The following HECW2 variants were observed in gnomAD, a reference collection of about 807,000 sequenced individuals.
HECW2 encodes HECT, C2 and WW domain containing E3 ubiquitin protein ligase 2, also known as E3 ubiquitin-protein ligase HECW2.
HECW2 carries 61 observed loss-of-function variants against 175.2 expected under a neutral mutation model. The ratio of observed to expected loss-of-function variants is 0.35; its 90% CI spans 0.28 to 0.43. The LOEUF (loss-of-function observed/expected upper bound fraction) is 0.43. Ranked by LOEUF, HECW2 falls within the 20% of genes least tolerant of loss-of-function variation. The pLI, the probability that HECW2 is intolerant of heterozygous loss-of-function variation, is 1.00. For missense variants in HECW2, 1,524 were observed against 2,000.5 expected (o/e 0.76, Z 4.54); for synonymous variants, 671 against 731.0 (o/e 0.92, Z 1.32).
chr2:196,242,450 G>A (rs577503128), intron 19 of HECW2: 16 of 470,038 alleles, frequency 3.4e-5, no homozygotes, highest in Non-Finnish European at 5.7e-5. Context: ...TGGTGCCCAT[G>A]TGTTTCTCAA....
At chr2:196,562,416 C>T (rs1198053196) in intron 1 of HECW2, among the ~76,000 whole-genome samples, 1 of 150,760 alleles carries the variant, frequency 6.6e-6, no homozygotes, top group African/African-American at 2.5e-5. Context: ...ATGATATTCT[C>T]CCTGTATGAG....
At chr2:196,296,720 A>G (rs180848765) in intron 13 of HECW2, among the ~76,000 whole-genome samples, 1 of 152,372 alleles carries the variant, frequency 6.6e-6, no homozygotes, top group African/African-American at 2.4e-5. Context: ...AGAGGCAGAA[A>G]GAGTTGGAAA....
intron 1 of HECW2, among the ~76,000 whole-genome samples, chr2:196,477,868 A>G (rs2125366395): frequency 6.6e-6 from 1 of 152,264 alleles, no homozygotes; most frequent in African/African-American, 2.4e-5. Flanking sequence ...TCTGGCCAAC[A>G]TGGCGAAACC....
Position 196,292,687 on chromosome 2 carries a change from C to A in HECW2, c.2878G>T (p.Asp960Tyr). 3.1e-6 allele frequency: 5 copies of A among 1,614,066 alleles called. No individual in the cohort carries two copies. The highest frequency in any genetic ancestry group is 4.2e-6 in the Non-Finnish European group (5 of 1,179,958). The change falls in exon 14 of 29, where the codon GAC (aspartate) becomes TAC (tyrosine). Residue 960 changes from aspartate (D) to tyrosine (Y), a missense_variant. Asp to Tyr is a radical substitution (Grantham distance 160, BLOSUM62 -3). Coordinates refer to ENST00000644978, the MANE Select transcript of HECW2 (RefSeq NM_001348768.2). ...LKHMITKVRR[D>Y]THHFERYQHN... is the part of the protein sequence containing the mutation. The stretch of plus-strand genomic sequence containing the variant: ...TGGTAGCGTTCAAAGTGGTGGGTGT[C>A]CCTCCGGACTTTGGTGATCATGTGC...
chr2:196,422,304 A>G (rs1695427767), intron 2 of HECW2, among the ~76,000 whole-genome samples: 1 of 152,148 alleles, frequency 6.6e-6, no homozygotes, highest in South Asian at 2.1e-4. Context: ...TGCATTTCCC[A>G]GTCCCCTTGC....
intron 14 of HECW2, among the ~76,000 whole-genome samples, chr2:196,285,272 T>C (rs1690342031): frequency 6.6e-6 from 1 of 152,212 alleles, no homozygotes; most frequent in Admixed American, 6.5e-5. Flanking sequence ...TTAAAGAAGT[T>C]TGAAATCGTT....
chr2:196,552,946 C>G (rs1187363708), intron 1 of HECW2, among the ~76,000 whole-genome samples: 1 of 152,200 alleles, frequency 6.6e-6, no homozygotes, highest in East Asian at 1.9e-4. Flanking sequence ...CTCCAAATCT[C>G]CATCCCACCC....
chr2:196,449,305 A>G (rs1037485529), intron 1 of HECW2, among the ~76,000 whole-genome samples: 3 of 152,200 alleles, frequency 2.0e-5, no homozygotes, highest in Non-Finnish European at 4.4e-5. Context: ...TCATCTCACT[A>G]GTTTAGCAAT....
chr2:196,579,526 T>C (rs1307821995), intron 1 of HECW2, among the ~76,000 whole-genome samples: 4 of 152,152 alleles, frequency 2.6e-5, no homozygotes, highest in African/African-American at 4.8e-5. Flanking sequence ...CAAGAGATAC[T>C]GTATAATCAG....
chr2:196,262,462 G>A (rs1009068335), intron 17 of HECW2, among the ~76,000 whole-genome samples: 15 of 152,188 alleles, frequency 9.9e-5, no homozygotes, highest in African/African-American at 3.6e-4. Context: ...GCCCCTTAGA[G>A]TACATTCTAG....
intron 1 of HECW2, among the ~76,000 whole-genome samples, chr2:196,519,865 A>C (rs1688289292): frequency 6.6e-6 from 1 of 152,226 alleles, no homozygotes; most frequent in Admixed American, 6.5e-5. Flanking sequence ...TCCAGGGGTA[A>C]TCAACTGACT....
chr2:196,200,755 G>A lies in HECW2; in HGVS notation c.*522C>T, dbSNP rs1203125964. ...TTTTCACTCATGTCCCATGAAAGCGGAAACCTATGGTGCACACCATGCAGG... is the reference window on the plus strand; with the variant it reads ...TTTTCACTCATGTCCCATGAAAGCGAAAACCTATGGTGCACACCATGCAGG... On this transcript the variant is annotated 3_prime_UTR_variant, in exon 29 of 29. Transcript: ENST00000644978. 1 of 152,958 alleles carries A rather than the reference G, an allele frequency of 6.5e-6. No individual in the cohort carries two copies. The highest frequency in any genetic ancestry group is 2.4e-5 in the African/African-American group (1 of 41,410). The allele number at this position is 152,958 out of a possible 1,614,324, so 9.5% of individuals were successfully genotyped here.
chr2:196,480,850 C>T (rs2099815439), intron 1 of HECW2, among the ~76,000 whole-genome samples: 1 of 152,222 alleles, frequency 6.6e-6, no homozygotes, highest in Non-Finnish European at 1.5e-5. Context: ...TCATGTTTCC[C>T]TCTGTGCATA....
chr2:196,381,839 T>G (rs1268263683), intron 2 of HECW2, among the ~76,000 whole-genome samples: 2 of 152,080 alleles, frequency 1.3e-5, no homozygotes, highest in Non-Finnish European at 2.9e-5. Flanking sequence ...GAAATAAAAT[T>G]AAACGTAATA....
At chr2:196,521,269 G>C (rs1167427652) in intron 1 of HECW2, among the ~76,000 whole-genome samples, 5 of 73,598 alleles carry the variant, frequency 6.8e-5, no homozygotes, top group African/African-American at 3.0e-4. Flanking sequence ...TCCTCACTAG[G>C]AAACGTGAGT....
chr2:196,340,312 T>C (rs2105819662), intron 3 of HECW2, among the ~76,000 whole-genome samples: 1 of 152,206 alleles, frequency 6.6e-6, no homozygotes, highest in East Asian at 1.9e-4. Flanking sequence ...AAAAATGACA[T>C]CCAGCCGGGC....
At chr2:196,343,864 T>C (rs1012927792) in intron 2 of HECW2, 100 bp from the exon 3 acceptor site, 2 of 797,582 alleles carry the variant, frequency 2.5e-6, no homozygotes, top group Admixed American at 2.1e-5. Context: ...AAAAGATAAA[T>C]GAGAAAATAT....
chr2:196,265,481 G>C (rs1689477768), intron 17 of HECW2, among the ~76,000 whole-genome samples: 1 of 151,970 alleles, frequency 6.6e-6, no homozygotes, highest in Non-Finnish European at 1.5e-5. Flanking sequence ...GTGAGACTCT[G>C]TCCGCTCCCC....
intron 2 of HECW2, among the ~76,000 whole-genome samples, chr2:196,409,642 T>C (rs546576497): frequency 8.8e-4 from 134 of 152,324 alleles, no homozygotes; most frequent in African/African-American, 3.0e-3. Flanking sequence ...AGCCTCCAGC[T>C]GACTCAAGCG....
Sources: gnomAD v4.1 joint callset for allele counts (sites outside exome capture counted in the v4.1 genomes callset) on GRCh38, gnomAD v4.1.1 for gene constraint, MANE v1.5 for transcripts, NCBI Gene and HGNC (gene_info 2026-07-23, HGNC 2026-07-21) for gene names.